Variants in CORO7 observed in about 807,000 individuals in gnomAD.
CORO7 encodes coronin-7.
A neutral mutation model predicts 126.6 loss-of-function variants in CORO7; 107 were observed. The ratio of observed to expected loss-of-function variants is 0.85; its 90% CI spans 0.72 to 0.99. The LOEUF is 0.99. CORO7 is among the 50% of genes least tolerant of loss of function. The probability of loss-of-function intolerance (pLI) is 0.00; values close to 1 mark genes in which losing one functional copy is unlikely to be tolerated. For synonymous variants in CORO7, 603 were observed against 536.8 expected (o/e 1.12, Z -1.70); for missense variants, 1,314 against 1,255.8 (o/e 1.05, Z -0.70).
At chr16:4,361,632 C>A (rs1334584626) in intron 16 of CORO7, 163 bp from the exon 17 acceptor site, 3 of 897,810 alleles carry the variant, frequency 3.3e-6, no homozygotes, top group African/African-American at 1.6e-5. Flanking sequence ...GCGCTCTGAG[C>A]CCCAAGTGCC....
intron 7 of CORO7, among the ~76,000 whole-genome samples, chr16:4,393,686 G>C (rs986689061): frequency 2.6e-5 from 4 of 152,136 alleles, no homozygotes; most frequent in African/African-American, 9.7e-5. Flanking sequence ...TGGGGAGGGG[G>C]TATCTATGAT....
chr16:4,355,178 C>T lies in CORO7; in HGVS notation c.2773-15G>A, dbSNP rs1403385660. ...GCAGGCTAGTCCTGGGGCGAAACAC[C>T]AAGAGGTGGGAGGGAGTCAGGAGGG... is the stretch of plus-strand genomic sequence containing the variant. On this transcript the variant is annotated splice_polypyrimidine_tract_variant and intron_variant, in intron 27 of 27. Coordinates refer to ENST00000251166, the MANE Select transcript of CORO7 (RefSeq NM_024535.5). The T allele has an allele frequency of 1.3e-6, 2 of 1,550,466 alleles. No individual in the cohort carries two copies. Among genetic ancestry groups the T allele is most frequent in the Non-Finnish European group, 1.7e-6 (2 of 1,144,822 alleles).
intron 26 of CORO7, among the ~76,000 whole-genome samples, chr16:4,356,159 G>A (rs532742414): frequency 4.7e-4 from 71 of 151,658 alleles, no homozygotes; most frequent in African/African-American, 1.7e-3. Context: ...CATCATGTTG[G>A]TCAGGCTGGT....
intron 9 of CORO7, among the ~76,000 whole-genome samples, chr16:4,377,561 G>C (rs1391646390): frequency 6.6e-6 from 1 of 152,190 alleles, no homozygotes; most frequent in Non-Finnish European, 1.5e-5. Flanking sequence ...AACTCCAGAG[G>C]TGAGAAACTG....
chr16:4,364,605 T>C lies in CORO7; in HGVS notation c.1129A>G (p.Asn377Asp). The change falls in exon 13 of 28, where the codon AAC becomes GAC. Residue 377 changes from asparagine to aspartate, a missense_variant. Transcript: ENST00000251166. Reference sequence around the variant, plus strand: ...GCCAGCCCTGGTCCTACCTGCTGGTTGTCCCCAGCCCACCAGCTATGGGGG... The same window carrying C: ...GCCAGCCCTGGTCCTACCTGCTGGTCGTCCCCAGCCCACCAGCTATGGGGG... ...TDPHSWWAGD[N>D]QQVQKVSLNP... 1 of 1,560,728 alleles carries C rather than the reference T, an allele frequency of 6.4e-7. No individual in the cohort carries two copies. Among genetic ancestry groups the C allele is most frequent in the South Asian group, 1.2e-5 (1 of 84,878 alleles).
At chr16:4,416,095 A>C (rs959725001) in intron 1 of CORO7, among the ~76,000 whole-genome samples, 1 of 152,002 alleles carries the variant, frequency 6.6e-6, no homozygotes, top group African/African-American at 2.4e-5. Flanking sequence ...AGGCGCCGGC[A>C]GCGCCCCGAG....
At chr16:4,393,896 C>T (rs748218421) in intron 7 of CORO7, among the ~76,000 whole-genome samples, 2 of 152,054 alleles carry the variant, frequency 1.3e-5, no homozygotes, top group East Asian at 1.9e-4. Context: ...GTCAGGAGTT[C>T]GAGACCAGCC....
intron 9 of CORO7, among the ~76,000 whole-genome samples, chr16:4,379,849 C>T (rs534503004): frequency 5.4e-5 from 8 of 148,056 alleles, no homozygotes; most frequent in East Asian, 4.0e-4. Context: ...TCCAGACCAA[C>T]CTGACCAACA....
chr16:4,382,437 C>T, intron 9 of CORO7: 1 of 1,610,330 alleles, frequency 6.2e-7, no homozygotes, highest in Non-Finnish European at 8.5e-7. Flanking sequence ...TCGCTGAGTA[C>T]ACGGTCACCC....
Position 4,405,685 on chromosome 16 carries a change from T to G in CORO7, c.488-118A>C. The G allele has an allele frequency of 3.2e-6, 4 of 1,247,652 alleles. No individual in the cohort carries two copies. In the South Asian group the frequency reaches 5.8e-5, roughly 18 times the overall value. The allele number at this position is 1,247,652 out of a possible 1,614,324, so 77.3% of individuals were successfully genotyped here. A position where few individuals can be genotyped will look rare whatever the true frequency, so the allele number is the denominator to read the frequency against. On this transcript the variant is annotated intron_variant, in intron 5 of 27. Transcript: ENST00000251166. ...AAGGCAGCAGCTACGAGGGTCCTTT[T>G]CAGCCAAGGGGGCAAGGGCAGCAGC... is the stretch of plus-strand genomic sequence containing the variant.
At chr16:4,377,919 T>C (rs2054804926) in intron 9 of CORO7, among the ~76,000 whole-genome samples, 1 of 152,158 alleles carries the variant, frequency 6.6e-6, no homozygotes, top group Non-Finnish European at 1.5e-5. Context: ...CCTGTCCTGC[T>C]AACAGGAACG....
chr16:4,387,889 G>C, intron 9 of CORO7, 97 bp downstream of exon 9: 1 of 1,487,630 alleles, frequency 6.7e-7, no homozygotes, highest in South Asian at 1.2e-5. Flanking sequence ...ACACCCCGGA[G>C]ATCAGCCCGC....
chr16:4,408,450 A>G (rs1043357081), intron 3 of CORO7, among the ~76,000 whole-genome samples, 199 bp from the exon 4 acceptor site: 2 of 152,166 alleles, frequency 1.3e-5, no homozygotes, highest in Non-Finnish European at 2.9e-5. Flanking sequence ...CTGCTGACCC[A>G]GGGTGGCCAA....
At chr16:4,365,355 T>G in intron 10 of CORO7, 136 bp downstream of exon 10, 1 of 1,330,922 alleles carries the variant, frequency 7.5e-7, no homozygotes, top group East Asian at 2.5e-5. Flanking sequence ...GCCAGTGTTC[T>G]AGGAGAGCTA....
At chr16:4,400,375 T>TGTA (rs1253531452) in intron 6 of CORO7, among the ~76,000 whole-genome samples, 1 of 152,182 alleles carries the variant, frequency 6.6e-6, no homozygotes, top group Non-Finnish European at 1.5e-5. Flanking sequence ...GGCTCACACC[T>TGTA]GTAATCCCAG....
intron 7 of CORO7, among the ~76,000 whole-genome samples, chr16:4,389,166 C>G (rs942645470): frequency 6.6e-6 from 1 of 152,164 alleles, no homozygotes; most frequent in African/African-American, 2.4e-5. Flanking sequence ...CTGCCCCAGG[C>G]AAGAGGCAGG....
intron 9 of CORO7, among the ~76,000 whole-genome samples, chr16:4,366,383 G>A (rs1313962295): frequency 2.6e-5 from 4 of 151,956 alleles, no homozygotes; most frequent in Non-Finnish European, 5.9e-5. Flanking sequence ...CCTCCCTCCC[G>A]GGGCCCCTCA....
chr16:4,412,097 G>A (rs1431631927), intron 3 of CORO7, among the ~76,000 whole-genome samples: 2 of 151,960 alleles, frequency 1.3e-5, no homozygotes, highest in Non-Finnish European at 1.5e-5. Context: ...TCAGCCTGGA[G>A]CCTGGGGCGG....
At chr16:4,414,286 C>T (rs935189311) in intron 1 of CORO7, 7 of 152,190 alleles carry the variant, frequency 4.6e-5, no homozygotes, top group African/African-American at 1.4e-4. Flanking sequence ...ACCACCAAGG[C>T]CTGGCCTCAT....
Sources: gnomAD v4.1 joint callset for allele counts (sites outside exome capture counted in the v4.1 genomes callset) on GRCh38, gnomAD v4.1.1 for gene constraint, MANE v1.5 for transcripts, NCBI Gene and HGNC (gene_info 2026-07-23, HGNC 2026-07-21) for gene names.